The following PPM1L variants were observed in gnomAD, a reference collection of about 807,000 sequenced individuals.
PPM1L encodes the protein protein phosphatase 1L.
A neutral mutation model predicts 31.4 loss-of-function variants in PPM1L; 13 were observed. That is an observed-to-expected ratio of 0.41 (90% CI 0.27 to 0.66). The LOEUF is 0.66. Among genes scored for constraint, PPM1L ranks in the 30% least tolerant of loss-of-function variants. PPM1L has a pLI of 0.29. For missense variants in PPM1L, 326 were observed against 453.7 expected (o/e 0.72, Z 2.56); for synonymous variants, 184 against 175.4 (o/e 1.05, Z -0.39).
At chr3:160,882,612 A>G (rs1352708227) in intron 1 of PPM1L, among the ~76,000 whole-genome samples, 1 of 152,180 alleles carries the variant, frequency 6.6e-6, no homozygotes, top group East Asian at 1.9e-4. Context: ...CAAAGACTCA[A>G]TTTCCAAATA....
intron 1 of PPM1L, among the ~76,000 whole-genome samples, chr3:160,808,396 T>TGTGTGTGTGTGTGTGCGCGCGCGCGC (rs1712695963): frequency 6.8e-6 from 1 of 148,010 alleles, no homozygotes; most frequent in African/African-American, 2.5e-5. Context: ...TGTGTGTGTG[T>TGTGTGTGTGTGTGTGCGCGCGCGCGC]GTGTGTGTGT....
intron 2 of PPM1L, among the ~76,000 whole-genome samples, chr3:160,984,076 CAA>C (rs1716889469): frequency 3.3e-5 from 5 of 152,122 alleles, no homozygotes; most frequent in Admixed American, 2.6e-4. Flanking sequence ...TACCAGAGTT[CAA>C]GAGCAGAGAA....
chr3:160,842,088 G>A (rs1713898886), intron 1 of PPM1L: 1 of 551,488 alleles, frequency 1.8e-6, no homozygotes, highest in Non-Finnish European at 3.2e-6. Flanking sequence ...AGCCCCAGAT[G>A]AGTGGGTTGG....
chr3:160,756,617 C>A lies in PPM1L; in HGVS notation c.309C>A (p.Asp103Glu), dbSNP rs759827550. 4 of 1,614,030 alleles carry A rather than the reference C, an allele frequency of 2.5e-6. No homozygotes were observed. The highest frequency in any genetic ancestry group is 3.4e-6 in the Non-Finnish European group (4 of 1,180,024). Residue 103 changes from aspartate (D) to glutamate (E), a missense_variant, in exon 1 of 4, where the codon GAC (aspartate) becomes GAA (glutamate). Asp to Glu is a conservative substitution (Grantham distance 45). Transcript: ENST00000498165. The surrounding 1 kb of genome is among the most constrained non-coding windows in gnomAD (Gnocchi z 6.2). ...VAVYSIQGRRDHMEDRFEVLT... is the reference protein window; with the variant it reads ...VAVYSIQGRREHMEDRFEVLT... ...TGTACTCCATCCAGGGCCGGAGAGA[C>A]CACATGGAGGACCGCTTCGAAGTTC... is the stretch of plus-strand genomic sequence containing the variant.
At chr3:160,876,184 C>A (rs1712503571) in intron 1 of PPM1L, among the ~76,000 whole-genome samples, 1 of 152,116 alleles carries the variant, frequency 6.6e-6, no homozygotes, top group Non-Finnish European at 1.5e-5. Context: ...ATGATGACAC[C>A]AACTGTTGAG....
At chr3:160,783,761 A>G (rs977395948) in intron 1 of PPM1L, among the ~76,000 whole-genome samples, 2 of 152,156 alleles carry the variant, frequency 1.3e-5, no homozygotes, top group Non-Finnish European at 2.9e-5. Flanking sequence ...ATGTCTCTCT[A>G]TTTCTCTGTT....
chr3:160,834,321 C>T (rs992675229), intron 1 of PPM1L, among the ~76,000 whole-genome samples: 10 of 152,052 alleles, frequency 6.6e-5, no homozygotes, highest in African/African-American at 1.9e-4. Context: ...CCGTGCCCGG[C>T]CTTAAATAAG....
chr3:160,819,100 TA>T (rs1331347564), intron 1 of PPM1L, among the ~76,000 whole-genome samples: 1 of 152,024 alleles, frequency 6.6e-6, no homozygotes, highest in African/African-American at 2.4e-5. Context: ...TGGTAGACAG[TA>T]AGCATTGAGC....
chr3:161,056,273 T>C (rs1719407265), intron 2 of PPM1L, among the ~76,000 whole-genome samples: 1 of 152,132 alleles, frequency 6.6e-6, no homozygotes, highest in Non-Finnish European at 1.5e-5. Flanking sequence ...GTCATTGATA[T>C]TTGAATCTGA....
chr3:160,867,292 C>T (rs150718657), intron 1 of PPM1L, among the ~76,000 whole-genome samples: 85 of 147,188 alleles, frequency 5.8e-4, no homozygotes, highest in African/African-American at 1.9e-3. Flanking sequence ...ATCAGATTCA[C>T]ATTTACTATT....
At chr3:160,783,532 G>A (rs554364539) in intron 1 of PPM1L, among the ~76,000 whole-genome samples, 1 of 148,504 alleles carries the variant, frequency 6.7e-6, no homozygotes, top group South Asian at 2.2e-4. Context: ...CCCTGGAGAT[G>A]GAGGTTGCAG....
intron 1 of PPM1L, among the ~76,000 whole-genome samples, chr3:160,796,923 CTAGGG>C (rs1560109270): frequency 6.6e-6 from 1 of 152,144 alleles, no homozygotes; most frequent in East Asian, 1.9e-4. Context: ...CCTGGATAAT[CTAGGG>C]TAAACACAAT....
rs1368417104 is a variant in PPM1L, at chr3:161,070,840, C to G, written c.*1683C>G. On this transcript the variant is annotated 3_prime_UTR_variant, in exon 4 of 4. Transcript: ENST00000498165. ...GAATTTGAGAGAGTGAAGAAATTGC[C>G]TTGTAGATGTGGAGGGCTGCAATCT... 1 of 152,172 alleles carries G rather than the reference C, an allele frequency of 6.6e-6. No individual in the cohort carries two copies. Among genetic ancestry groups the G allele is most frequent in the East Asian group, 1.9e-4 (1 of 5,192 alleles). The allele number at this position is 152,172 out of a possible 1,614,324, so 9.4% of individuals were successfully genotyped here. A position where few individuals can be genotyped will look rare whatever the true frequency, so the allele number is the denominator to read the frequency against.
At chr3:160,935,034 C>G (rs1714921445) in intron 1 of PPM1L, among the ~76,000 whole-genome samples, 1 of 151,936 alleles carries the variant, frequency 6.6e-6, no homozygotes, top group Non-Finnish European at 1.5e-5. Flanking sequence ...TAGATATGGA[C>G]AAAACATAGT....
chr3:160,972,323 A>G (rs1342379658), intron 2 of PPM1L, among the ~76,000 whole-genome samples: 1 of 150,440 alleles, frequency 6.6e-6, no homozygotes, highest in East Asian at 2.0e-4. Flanking sequence ...AACATTAGGT[A>G]TATCTCCTAA....
At chr3:160,978,712 C>T (rs1392773452) in intron 2 of PPM1L, among the ~76,000 whole-genome samples, 1 of 151,904 alleles carries the variant, frequency 6.6e-6, no homozygotes, top group Non-Finnish European at 1.5e-5. Context: ...TACCCATAGT[C>T]CCAGTTACCC....
Position 160,906,534 on chromosome 3 carries a change from G to A in PPM1L, c.400-55202G>A, listed in dbSNP as rs182175768. Among the ~76,000 whole-genome samples the A allele has an allele frequency of 4.5e-4, 68 of 152,170 alleles. 1 individual carries two copies. Among genetic ancestry groups the A allele is most frequent in the African/African-American group, 1.5e-3 (61 of 41,494 alleles). The stretch of plus-strand genomic sequence containing the variant: ...GGAGAATTGCTTGAACCTGGGAGGC[G>A]GCGGTTGCAGTGAGCCAAGATCATG... On this transcript the variant is annotated intron_variant, in intron 1 of 3. Transcript: ENST00000498165.
chr3:160,862,704 A>ACAC (rs1560130385), intron 1 of PPM1L, among the ~76,000 whole-genome samples: 18 of 117,708 alleles, frequency 1.5e-4, no homozygotes, highest in South Asian at 5.0e-4. Flanking sequence ...ACACACACAC[A>ACAC]AAATTCTGAA....
At chr3:160,825,298 T>G (rs938931186) in intron 1 of PPM1L, among the ~76,000 whole-genome samples, 3 of 152,148 alleles carry the variant, frequency 2.0e-5, no homozygotes, top group African/African-American at 7.2e-5. Context: ...ATAACAATAT[T>G]ATTAATAATA....
Sources: allele counts gnomAD v4.1 joint callset (sites outside exome capture counted in the v4.1 genomes callset), GRCh38; gene constraint gnomAD v4.1.1; non-coding constraint Gnocchi (gnomAD v3.1); transcripts MANE v1.5; gene names NCBI Gene and HGNC (gene_info 2026-07-23, HGNC 2026-07-21).